Variants in LRRTM4 observed in about 807,000 individuals in gnomAD.
The protein encoded by LRRTM4 is leucine rich repeat transmembrane neuronal 4, also known as leucine-rich repeat transmembrane neuronal protein 4.
LRRTM4 carries 25 observed loss-of-function variants against 47.6 expected under a neutral mutation model. The observed-to-expected ratio is 0.53, with a 90% CI of 0.38 to 0.73. LRRTM4 has a LOEUF of 0.73. Ranked by LOEUF, LRRTM4 falls within the 30% of genes least tolerant of loss-of-function variation. LRRTM4 has a pLI of 0.00. For missense variants in LRRTM4, 638 were observed against 713.4 expected (o/e 0.89, Z 1.20); for synonymous variants, 311 against 269.5 (o/e 1.15, Z -1.51).
chr2:77,505,994 A>C (rs1397881657), intron 3 of LRRTM4, among the ~76,000 whole-genome samples: 1 of 151,682 alleles, frequency 6.6e-6, no homozygotes, highest in Non-Finnish European at 1.5e-5. Flanking sequence ...AGAAATGACA[A>C]AGAAAAACCA....
intron 3 of LRRTM4, among the ~76,000 whole-genome samples, chr2:77,395,974 G>T (rs1673685029): frequency 1.3e-5 from 2 of 151,794 alleles, no homozygotes; most frequent in South Asian, 4.1e-4. Context: ...ATTTGCCAGG[G>T]AGTTAATTTT....
intron 3 of LRRTM4, among the ~76,000 whole-genome samples, chr2:77,170,436 T>A (rs1210164719): frequency 6.6e-6 from 1 of 152,096 alleles, no homozygotes; most frequent in East Asian, 1.9e-4. Flanking sequence ...CGAAATAGAT[T>A]TTCCCATAGA....
chr2:77,069,798 A>G (rs1212198676), intron 3 of LRRTM4, among the ~76,000 whole-genome samples: 1 of 152,168 alleles, frequency 6.6e-6, no homozygotes, highest in African/African-American at 2.4e-5. Context: ...TAGTAGTTTT[A>G]CAAAGATCTT....
chr2:76,752,869 C>G (rs948462968), intron 3 of LRRTM4, among the ~76,000 whole-genome samples: 3 of 152,120 alleles, frequency 2.0e-5, no homozygotes, highest in Non-Finnish European at 2.9e-5. Flanking sequence ...GTTCTGTGTT[C>G]CATCAGCTCT....
chr2:77,078,071 C>G (rs1436666719), intron 3 of LRRTM4, among the ~76,000 whole-genome samples: 1 of 152,156 alleles, frequency 6.6e-6, no homozygotes, highest in Non-Finnish European at 1.5e-5. Flanking sequence ...TTGATCTACT[C>G]TTTCTACTGT....
At chr2:77,480,833 GAGAGAGAGAGAGAGAGAGA>G (rs1677668745) in intron 3 of LRRTM4, among the ~76,000 whole-genome samples, 3 of 49,094 alleles carry the variant, frequency 6.1e-5, no homozygotes, top group Non-Finnish European at 1.4e-4. Flanking sequence ...GAGAGAGAGA[GAGAGAGAGAGAGAGAGAGA>G]GAGAGAGAGA....
chr2:77,102,135 T>C (rs961486188), intron 3 of LRRTM4, among the ~76,000 whole-genome samples: 9 of 152,200 alleles, frequency 5.9e-5, no homozygotes, highest in Non-Finnish European at 1.2e-4. Context: ...CAGTTTCTTA[T>C]ATCTTTCTGA....
At chr2:77,298,856 A>G (rs1158585150) in intron 3 of LRRTM4, among the ~76,000 whole-genome samples, 1 of 152,158 alleles carries the variant, frequency 6.6e-6, no homozygotes, top group East Asian at 1.9e-4. Flanking sequence ...ACAAAATTGA[A>G]TTTTGTTGAT....
chr2:77,482,122 G>A (rs1460411642), intron 3 of LRRTM4, among the ~76,000 whole-genome samples: 1 of 152,114 alleles, frequency 6.6e-6, no homozygotes, highest in Non-Finnish European at 1.5e-5. Context: ...GCTTCAATCA[G>A]TGATTTTTTT....
chr2:77,261,189 A>G (rs74342310), intron 3 of LRRTM4, among the ~76,000 whole-genome samples: 53 of 151,578 alleles, frequency 3.5e-4, no homozygotes, highest in African/African-American at 1.3e-3. Flanking sequence ...TAAAAAAAAA[A>G]GAAATTGGAT....
intron 3 of LRRTM4, among the ~76,000 whole-genome samples, chr2:76,976,077 G>A (rs1435112184): frequency 6.6e-6 from 1 of 151,592 alleles, no homozygotes; most frequent in Non-Finnish European, 1.5e-5. Context: ...TTGAAAACTG[G>A]TTTGTGTGCA....
intron 3 of LRRTM4, among the ~76,000 whole-genome samples, chr2:77,463,957 T>G (rs889654373): frequency 2.0e-5 from 3 of 152,128 alleles, no homozygotes; most frequent in African/African-American, 7.2e-5. Flanking sequence ...AGTAAATTGA[T>G]GAATGGATGA....
intron 3 of LRRTM4, among the ~76,000 whole-genome samples, chr2:77,084,011 T>A (rs1243347908): frequency 6.6e-6 from 1 of 151,798 alleles, no homozygotes; most frequent in Admixed American, 6.6e-5. Context: ...TTCACCATGT[T>A]AGCAAGGATG....
chr2:77,188,065 A>G (rs1358138904), intron 3 of LRRTM4, among the ~76,000 whole-genome samples: 1 of 152,136 alleles, frequency 6.6e-6, no homozygotes, highest in Non-Finnish European at 1.5e-5. Context: ...AATTAGTGTG[A>G]TGACTTTGAA....
chr2:77,321,009 A>AAT (rs1410625855), intron 3 of LRRTM4, among the ~76,000 whole-genome samples: 1 of 152,138 alleles, frequency 6.6e-6, no homozygotes, highest in Non-Finnish European at 1.5e-5. Context: ...AAGAATAAAA[A>AAT]ATATAGACTT....
chr2:76,855,133 C>T (rs1672110278), intron 3 of LRRTM4, among the ~76,000 whole-genome samples: 1 of 152,098 alleles, frequency 6.6e-6, no homozygotes, highest in South Asian at 2.1e-4. Flanking sequence ...AGAGCAAAGG[C>T]GGTTGCTCAG....
chr2:77,186,817 C>T (rs1247206551), intron 3 of LRRTM4, among the ~76,000 whole-genome samples: 2 of 152,128 alleles, frequency 1.3e-5, no homozygotes, highest in African/African-American at 2.4e-5. Context: ...AGCTTGGTTT[C>T]CTCATACTAC....
chr2:77,100,599 C>A (rs1392244020), intron 3 of LRRTM4, among the ~76,000 whole-genome samples: 4 of 152,018 alleles, frequency 2.6e-5, no homozygotes, highest in African/African-American at 9.6e-5. Flanking sequence ...AGCCTCTTCA[C>A]AAGTAGAACA....
chr2:77,259,153 G>T (rs1373969485), intron 3 of LRRTM4, among the ~76,000 whole-genome samples: 1 of 151,954 alleles, frequency 6.6e-6, no homozygotes, highest in South Asian at 2.1e-4. Flanking sequence ...ACTAATATTA[G>T]TAACAGAATA....
Sources: allele counts gnomAD v4.1 joint callset (sites outside exome capture counted in the v4.1 genomes callset), GRCh38; gene constraint gnomAD v4.1.1; transcripts MANE v1.5; gene names NCBI Gene and HGNC (gene_info 2026-07-23, HGNC 2026-07-21).